The following PRRT2 variants were observed in gnomAD, a reference collection of about 807,000 sequenced individuals.
PRRT2 encodes the protein proline rich transmembrane protein 2, also known as proline-rich transmembrane protein 2.
In PRRT2, 9 loss-of-function variants were observed where a neutral mutation model predicts 24.7. The ratio of observed to expected loss-of-function variants is 0.36; its 90% CI spans 0.22 to 0.64. The LOEUF (loss-of-function observed/expected upper bound fraction) is 0.64. Among genes scored for constraint, PRRT2 ranks in the 30% least tolerant of loss-of-function variants. The probability of loss-of-function intolerance (pLI) is 0.65; values close to 1 mark genes in which losing one functional copy is unlikely to be tolerated. For synonymous variants in PRRT2, 195 were observed against 175.5 expected, an observed-to-expected ratio of 1.11 and a Z score of -0.88; for missense variants, 460 against 435.0, an observed-to-expected ratio of 1.06 and a Z score of -0.51.
chr16:29,814,617 C>T lies in PRRT2; in HGVS notation c.1013-11C>T. The T allele has an allele frequency of 7.4e-6, 12 of 1,613,050 alleles. No individual in the cohort carries two copies. The South Asian group carries it at 1.2e-4, about 16-fold the overall frequency. On this transcript the variant is annotated splice_polypyrimidine_tract_variant and intron_variant, in intron 3 of 3. Transcript: ENST00000358758. The surrounding 1 kb of genome is among the most constrained non-coding windows in gnomAD (Gnocchi z 4.1). ...CTCCCCCCGTCTGTCCTTCCCTCTC[C>T]TCTCCCACAGTGTATAAGTGAGGGG...
chr16:29,812,899 T>A, intron 1 of PRRT2, 91 bp from the exon 2 acceptor site: 1 of 770,354 alleles, frequency 1.3e-6, no homozygotes, highest in South Asian at 1.8e-5. Context: ...AGTGCAAGGC[T>A]GGCCCTGAGA....
Position 29,814,797 on chromosome 16 carries a change from T to C in PRRT2, c.*159T>C. The C allele has an allele frequency of 1.3e-6, 1 of 748,650 alleles. No individual in the cohort carries two copies. The allele number at this position is 748,650 out of a possible 1,614,324, so 46.4% of individuals were successfully genotyped here. A position where few individuals can be genotyped will look rare whatever the true frequency, so the allele number is the denominator to read the frequency against. ...TTACAGCTTCTGTCCTGCTCCTGCA[T>C]CTTGCCAGGCTCCTCTGCCAACTGT... On this transcript the variant is annotated 3_prime_UTR_variant, in exon 4 of 4. Transcript: ENST00000358758. The surrounding 1 kb of genome is among the most constrained non-coding windows in gnomAD (Gnocchi z 4.1).
Position 29,814,604 on chromosome 16 carries a change from G to A in PRRT2, c.1013-24G>A. ...TCCTTGTCTCCCCCTCCCCCCGTCTGTCCTTCCCTCTCCTCTCCCACAGTG... is the reference window on the plus strand; with the variant it reads ...TCCTTGTCTCCCCCTCCCCCCGTCTATCCTTCCCTCTCCTCTCCCACAGTG... On this transcript the variant is annotated intron_variant, in intron 3 of 3. Transcript: ENST00000358758. This position sits in a 1 kb window ranked among gnomAD's most constrained non-coding sequence, Gnocchi z 4.1. 1 of 1,610,708 alleles carries A rather than the reference G, an allele frequency of 6.2e-7. No homozygotes were observed. Among genetic ancestry groups the A allele is most frequent in the South Asian group, 1.1e-5 (1 of 90,980 alleles).
rs1900112225 is a variant in PRRT2 at position 29,813,829 on chromosome 16, G to A, written c.775G>A (p.Gly259Ser). 6.2e-7 allele frequency: 1 copy of A among 1,613,528 alleles called. No homozygotes were observed. Among genetic ancestry groups the A allele is most frequent in the South Asian group, 1.1e-5 (1 of 91,046 alleles). ...SQLAGPGVEG[G>S]EGTQKPRDYI... ...GTTGGCAGGTCCTGGGGTGGAGGGG[G>A]GTGAAGGCACCCAGAAACCTCGGGA... Residue 259 changes from glycine to serine, a missense_variant, in exon 2 of 4, where the codon GGT (glycine) becomes AGT (serine). Physicochemically the swap from Gly to Ser is moderately conservative, Grantham distance 56. Around this residue, in one of 3 missense-constraint regions of PRRT2, gnomAD observed 378 missense variants for 324.6 expected, o/e 1.16. Coordinates refer to ENST00000358758, the MANE Select transcript of PRRT2 (RefSeq NM_145239.3).
In PRRT2 at chr16:29,813,017, C is replaced by T. The variant is rs748478727; in HGVS notation, c.-38C>T. The T allele has an allele frequency of 3.2e-6, 5 of 1,548,678 alleles. No homozygotes were observed. The South Asian group carries it at 3.8e-5, about 12-fold the overall frequency. On this transcript the variant is annotated 5_prime_UTR_variant, in exon 2 of 4. Coordinates refer to ENST00000358758, the MANE Select transcript of PRRT2 (RefSeq NM_145239.3). ...TTTGCCGCTGTCTCTGCTATTCCATCCTCCCCATAGGGGCTCTCTCCCCTC... is the reference window on the plus strand; with the variant it reads ...TTTGCCGCTGTCTCTGCTATTCCATTCTCCCCATAGGGGCTCTCTCCCCTC...
In PRRT2 at chr16:29,814,213, C is replaced by A; in HGVS notation, c.880-120C>A. On this transcript the variant is annotated intron_variant, in intron 2 of 3. Transcript: ENST00000358758. This position sits in a 1 kb window ranked among gnomAD's most constrained non-coding sequence, Gnocchi z 4.1. The stretch of plus-strand genomic sequence containing the variant: ...CTGCCCCTTCACTCCTCCTTCCTCC[C>A]TTACCCGCCATCTATGGGGCTGGCC... The A allele has an allele frequency of 6.7e-7, 1 of 1,496,166 alleles. No homozygotes were observed. The highest frequency in any genetic ancestry group is 2.3e-5 in the East Asian group (1 of 43,436). 92.7% of individuals were successfully genotyped at this position (1,496,166 alleles called of 1,614,324 possible). A position where few individuals can be genotyped will look rare whatever the true frequency, so the allele number is the denominator to read the frequency against.
In PRRT2 at chr16:29,814,281, C is replaced by T. The variant is rs1180249065; in HGVS notation, c.880-52C>T. 3 of 1,538,576 alleles carry T rather than the reference C, an allele frequency of 1.9e-6. No homozygotes were observed. The highest frequency in any genetic ancestry group is 2.6e-6 in the Non-Finnish European group (3 of 1,152,822). On this transcript the variant is annotated intron_variant, in intron 2 of 3. Transcript: ENST00000358758. The surrounding 1 kb of genome is among the most constrained non-coding windows in gnomAD (Gnocchi z 4.1). ...ACTTTTCCACCTGATCCCTTCTGGG[C>T]TGGCTTCTCCTGACCCCGGCTATGT...
chr16:29,814,487 G>C lies in PRRT2; in HGVS notation c.1012+22G>C. ...GGCGGTGAGTGGGGGCTTGGGACAG[G>C]CAGGGGAGGAATGGAAGGGTTGGCA... On this transcript the variant is annotated intron_variant, in intron 3 of 3. Transcript: ENST00000358758. This position sits in a 1 kb window ranked among gnomAD's most constrained non-coding sequence, Gnocchi z 4.1. 1 of 1,605,758 alleles carries C rather than the reference G, an allele frequency of 6.2e-7. No homozygotes were observed. The highest frequency in any genetic ancestry group is 8.5e-7 in the Non-Finnish European group (1 of 1,175,688).
rs1244255905 is a variant in PRRT2, at chr16:29,813,924, T to C, written c.870T>C (p.Tyr290=). ...MWPVNIVAFA[Y]AVMSRNSLQQ... ...CTGTCAACATCGTGGCCTTCGCTTA[T>C]GCTGTCATGGTGAGCCCCATGGGAC... The change falls in exon 2 of 4, where the codon TAT becomes TAC. Residue 290 remains tyrosine (Y), a synonymous_variant. Coordinates refer to ENST00000358758, the MANE Select transcript of PRRT2 (RefSeq NM_145239.3). 6.3e-7 allele frequency: 1 copy of C among 1,594,878 alleles called. No individual in the cohort carries two copies. Among genetic ancestry groups the C allele is most frequent in the Non-Finnish European group, 8.5e-7 (1 of 1,170,208 alleles).
Position 29,815,769 on chromosome 16 carries a change from A to C in PRRT2, c.*1131A>C, listed in dbSNP as rs1271232222. 6.8e-6 allele frequency: 1 copy of C among 147,722 alleles called. No homozygotes were observed. The highest frequency in any genetic ancestry group is 1.9e-4 in the East Asian group (1 of 5,168). 9.2% of individuals were successfully genotyped at this position (147,722 alleles called of 1,614,324 possible). On this transcript the variant is annotated 3_prime_UTR_variant, in exon 4 of 4. Coordinates refer to ENST00000358758, the MANE Select transcript of PRRT2 (RefSeq NM_145239.3). Reference sequence around the variant, plus strand: ...AAAAAAAAGTCTGGGGGAAGAAAAAAACTAAAATTCTTAAAAAAAAAAAAA... The same window carrying C: ...AAAAAAAAGTCTGGGGGAAGAAAAACACTAAAATTCTTAAAAAAAAAAAAA...
In PRRT2 at chr16:29,813,166, C is replaced by A. The variant is rs1208143772; in HGVS notation, c.112C>A (p.Leu38Ile). ...AGCTGAAACTGGCCCTCCCCAGGTCCTAGCAGGGGTACCAGACCAGCCAGA... is the reference window on the plus strand; with the variant it reads ...AGCTGAAACTGGCCCTCCCCAGGTCATAGCAGGGGTACCAGACCAGCCAGA... The part of the protein sequence containing the change: ...SEAETGPPQV[L>I]AGVPDQPEAP... The change falls in exon 2 of 4, where the codon CTA becomes ATA. Residue 38 changes from leucine (L) to isoleucine (I), a missense_variant. Physicochemically the swap from Leu to Ile is conservative, Grantham distance 5 (BLOSUM62 2). Around this residue, in one of 3 missense-constraint regions of PRRT2, gnomAD observed 378 missense variants for 324.6 expected, o/e 1.16. Coordinates refer to ENST00000358758, the MANE Select transcript of PRRT2 (RefSeq NM_145239.3). 14 of 1,613,892 alleles carry A rather than the reference C, an allele frequency of 8.7e-6. No homozygotes were observed. The highest frequency in any genetic ancestry group is 1.3e-5 in the African/African-American group (1 of 74,892).
chr16:29,813,489 G>C lies in PRRT2; in HGVS notation c.435G>C (p.Arg145=). ...AGCCTGCTCCCCAACCAGACCCCCG[G>C]CCAGATTCCCAGCCTACCCCCAAGC... The part of the protein sequence containing the change: ...APEPAPQPDP[R]PDSQPTPKPA... Residue 145 remains arginine (R), a synonymous_variant, in exon 2 of 4, where the codon CGG becomes CGC. Transcript: ENST00000358758. 1 of 1,613,646 alleles carries C rather than the reference G, an allele frequency of 6.2e-7. No individual in the cohort carries two copies.
intron 2 of PRRT2, 31 bp downstream of exon 2, chr16:29,813,964 G>A: frequency 3.2e-6 from 5 of 1,538,622 alleles, no homozygotes; most frequent in Non-Finnish European, 4.4e-6. Context: ...GCCCAGGCCT[G>A]CTGTGGCTCC....
Position 29,813,120 on chromosome 16 carries a change from C to A in PRRT2, c.66C>A (p.Gly22=), listed in dbSNP as rs775756146. The A allele has an allele frequency of 6.2e-7, 1 of 1,613,906 alleles. No individual in the cohort carries two copies. The highest frequency in any genetic ancestry group is 8.5e-7 in the Non-Finnish European group (1 of 1,179,934). The stretch of plus-strand genomic sequence containing the variant: ...TTGAGGAGAGTCCCAAGGTTCCAGG[C>A]GAAGGGCCTGGCCATTCTGAAGCTG... ...KGVEESPKVP[G]EGPGHSEAET... Residue 22 remains glycine, a synonymous_variant, in exon 2 of 4, where the codon GGC becomes GGA. Transcript: ENST00000358758.
At position 29,815,105 on chromosome 16, in the gene PRRT2, T is replaced by C; in HGVS notation, c.*467T>C. The C allele has an allele frequency of 6.0e-6, 1 of 166,748 alleles. No individual in the cohort carries two copies. The highest frequency in any genetic ancestry group is 1.3e-5 in the Non-Finnish European group (1 of 77,534). 10.3% of individuals were successfully genotyped at this position (166,748 alleles called of 1,614,324 possible). A position where few individuals can be genotyped will look rare whatever the true frequency, so the allele number is the denominator to read the frequency against. ...ACCCTCAGTCCTCTCTTCCTTCCCTTCTTTATCATCTCCCCTTTCCTCTCC... is the reference window on the plus strand; with the variant it reads ...ACCCTCAGTCCTCTCTTCCTTCCCTCCTTTATCATCTCCCCTTTCCTCTCC... On this transcript the variant is annotated 3_prime_UTR_variant, in exon 4 of 4. Transcript: ENST00000358758.
chr16:29,814,194 C>A lies in PRRT2; in HGVS notation c.880-139C>A. The A allele has an allele frequency of 6.7e-7, 1 of 1,494,280 alleles. No homozygotes were observed. The highest frequency in any genetic ancestry group is 1.4e-5 in the South Asian group (1 of 73,960). The allele number at this position is 1,494,280 out of a possible 1,614,324, so 92.6% of individuals were successfully genotyped here. On this transcript the variant is annotated intron_variant, in intron 2 of 3. Transcript: ENST00000358758. The surrounding 1 kb of genome is among the most constrained non-coding windows in gnomAD (Gnocchi z 4.1). Reference sequence around the variant, plus strand: ...GACCTGTGCCCTCCTCCCCCTGCCCCTTCACTCCTCCTTCCTCCCTTACCC... The same window carrying A: ...GACCTGTGCCCTCCTCCCCCTGCCCATTCACTCCTCCTTCCTCCCTTACCC...
chr16:29,814,319 C>A lies in PRRT2; in HGVS notation c.880-14C>A. On this transcript the variant is annotated splice_polypyrimidine_tract_variant and intron_variant, in intron 2 of 3. Transcript: ENST00000358758. The surrounding 1 kb of genome is among the most constrained non-coding windows in gnomAD (Gnocchi z 4.1). ...ACCCCGGCTATGTGCCTCCACCCCT[C>A]GCCCTAACCCCAGTCCCGGAACAGC... 6.3e-7 allele frequency: 1 copy of A among 1,582,204 alleles called. No individual in the cohort carries two copies. Among genetic ancestry groups the A allele is most frequent in the Admixed American group, 1.8e-5 (1 of 56,778 alleles).
rs1019859682 is a variant in PRRT2, at chr16:29,813,178, C to T, written c.124C>T (p.Pro42Ser). 6.2e-7 allele frequency: 1 copy of T among 1,613,944 alleles called. No homozygotes were observed. The highest frequency in any genetic ancestry group is 8.5e-7 in the Non-Finnish European group (1 of 1,180,000). ...CCCTCCCCAGGTCCTAGCAGGGGTA[C>T]CAGACCAGCCAGAGGCCCCGCAGCC... ...TGPPQVLAGV[P>S]DQPEAPQPGP... is the part of the protein sequence containing the mutation. The change falls in exon 2 of 4, where the codon CCA becomes TCA. Residue 42 changes from proline (P) to serine (S), a missense_variant. Coordinates refer to ENST00000358758, the MANE Select transcript of PRRT2 (RefSeq NM_145239.3).
chr16:29,813,345 C>T lies in PRRT2; in HGVS notation c.291C>T (p.Ala97=). 2 of 1,614,132 alleles carry T rather than the reference C, an allele frequency of 1.2e-6. No individual in the cohort carries two copies. Among genetic ancestry groups the T allele is most frequent in the Non-Finnish European group, 1.7e-6 (2 of 1,180,016 alleles). ...TAAGCCCAGGAGGGGAATCAAAGGC[C>T]AACTGCAGCCCCGAAGACCCATGCC... ...LSLSPGGESK[A]NCSPEDPCQE... is the part of the protein sequence containing the mutation. Residue 97 remains alanine, a synonymous_variant, in exon 2 of 4, where the codon GCC becomes GCT. Transcript: ENST00000358758.
Sources: allele counts gnomAD v4.1 joint callset, GRCh38; gene constraint gnomAD v4.1.1; regional missense constraint gnomAD v4.1.1; non-coding constraint Gnocchi (gnomAD v3.1); transcripts MANE v1.5; gene names NCBI Gene and HGNC (gene_info 2026-07-23, HGNC 2026-07-21).